Variants in CLMP observed in about 807,000 individuals in gnomAD.
CLMP encodes CXADR like cell adhesion molecule.
Under a neutral mutation model 45.2 loss-of-function variants are expected in CLMP, and 27 were observed. The ratio of observed to expected loss-of-function variants is 0.60; its 90% CI spans 0.44 to 0.82. The LOEUF is 0.82. Among genes scored for constraint, CLMP ranks in the 40% least tolerant of loss-of-function variants. The probability of loss-of-function intolerance (pLI) is 0.00; values close to 1 mark genes in which losing one functional copy is unlikely to be tolerated. For missense variants in CLMP, 403 were observed against 448.4 expected (o/e 0.90, Z 0.91); for synonymous variants, 167 against 171.4 (o/e 0.97, Z 0.20).
rs147684131 is a variant in CLMP at position 123,090,203 on chromosome 11, T to C, written c.187-5490A>G. Among the ~76,000 whole-genome samples, 1,218 of 151,080 alleles carry C rather than the reference T, an allele frequency of 8.1e-3. 14 individuals carry two copies. Among genetic ancestry groups the C allele is most frequent in the African/African-American group, 0.028 (1,132 of 41,062 alleles). On this transcript the variant is annotated intron_variant, in intron 2 of 6. Coordinates refer to ENST00000448775, the MANE Select transcript of CLMP (RefSeq NM_024769.5). ...GCTTACACCTCTAATCTCAGCACTT[T>C]GGGAGGCCAAGGTGGGTGGATCACG...
chr11:123,150,952 C>A (rs537531122), intron 1 of CLMP, among the ~76,000 whole-genome samples: 3 of 152,338 alleles, frequency 2.0e-5, no homozygotes, highest in South Asian at 2.1e-4. Flanking sequence ...ATCTGCCCAC[C>A]TTGGCCTCCC....
intron 1 of CLMP, among the ~76,000 whole-genome samples, chr11:123,141,173 C>CTTTT (rs550888215): frequency 0.014 from 1,126 of 80,840 alleles, 114 homozygotes; most frequent in African/African-American, 0.02. Context: ...TCAGGCATTC[C>CTTTT]TTTTTTTTTT....
At chr11:123,125,397 C>T (rs1860873891) in intron 1 of CLMP, among the ~76,000 whole-genome samples, 2 of 151,852 alleles carry the variant, frequency 1.3e-5, no homozygotes. Context: ...TGCATGAACA[C>T]TCAAGGTTCT....
At position 123,106,410 on chromosome 11, in the gene CLMP, TGTGTGTGTGTGTGTGCGC is replaced by T. The variant is rs1427367649; in HGVS notation, c.29-8476_29-8459del. ...GTGTGTGTGTGTGTGTGTGTGTGTG[TGTGTGTGTGTGTGTGCGC>T]GCGCGCGCGCGCACGTGCCTGCCTT... On this transcript the variant is annotated intron_variant, in intron 1 of 6. Coordinates refer to ENST00000448775, the MANE Select transcript of CLMP (RefSeq NM_024769.5). 5.6e-5 allele frequency among the ~76,000 whole-genome samples: 7 copies of T among 125,286 alleles called. No individual in the cohort carries two copies. In the South Asian group the frequency reaches 1.2e-3, roughly 22 times the overall value. 82.2% of individuals were successfully genotyped at this position (125,286 alleles called of 152,430 possible). A position where few individuals can be genotyped will look rare whatever the true frequency, so the allele number is the denominator to read the frequency against.
chr11:123,188,757 TC>T (rs1189415799), intron 1 of CLMP: 1 of 152,208 alleles, frequency 6.6e-6, no homozygotes, highest in Non-Finnish European at 1.5e-5. Context: ...ATCTCGGCTT[TC>T]TCCCCCATTT....
chr11:123,149,012 T>C (rs1565396924), intron 1 of CLMP, among the ~76,000 whole-genome samples: 1 of 152,206 alleles, frequency 6.6e-6, no homozygotes. Context: ...GAATCTGTTT[T>C]CTGTTTAGTC....
chr11:123,175,155 T>G (rs1385088565), intron 1 of CLMP, among the ~76,000 whole-genome samples: 1 of 152,150 alleles, frequency 6.6e-6, no homozygotes, highest in Non-Finnish European at 1.5e-5. Context: ...CGGGGTGTAT[T>G]AGTCCATTTT....
intron 1 of CLMP, among the ~76,000 whole-genome samples, chr11:123,116,645 T>C (rs562226597): frequency 2.0e-5 from 3 of 152,304 alleles, no homozygotes; most frequent in African/African-American, 7.2e-5. Context: ...TAACAATCAT[T>C]GTCTTCTTAT....
intron 1 of CLMP, among the ~76,000 whole-genome samples, chr11:123,138,183 A>G (rs1861104840): frequency 6.6e-6 from 1 of 152,156 alleles, no homozygotes; most frequent in South Asian, 2.1e-4. Flanking sequence ...TTAAACTAGT[A>G]TAAGATACAC....
chr11:123,194,826 C>A, intron 1 of CLMP, 87 bp downstream of exon 1: 2 of 1,532,054 alleles, frequency 1.3e-6, no homozygotes, highest in Non-Finnish European at 9.0e-7. Flanking sequence ...GCTGCAGGGA[C>A]ACCCGGTCAG....
chr11:123,100,858 A>G (rs1267350465), intron 1 of CLMP, among the ~76,000 whole-genome samples: 1 of 151,470 alleles, frequency 6.6e-6, no homozygotes, highest in African/African-American at 2.4e-5. Flanking sequence ...ATCCTCCCCA[A>G]AACAGGCTTC....
intron 1 of CLMP, among the ~76,000 whole-genome samples, chr11:123,161,851 C>T (rs1376699123): frequency 1.3e-5 from 2 of 152,176 alleles, no homozygotes; most frequent in African/African-American, 4.8e-5. Flanking sequence ...GGGTGGATTC[C>T]AGCAATCTGT....
intron 1 of CLMP, among the ~76,000 whole-genome samples, chr11:123,182,787 G>A (rs1211998983): frequency 6.6e-6 from 1 of 152,088 alleles, no homozygotes; most frequent in East Asian, 1.9e-4. Context: ...TCATTTCAAA[G>A]ACGCAAGAAA....
At chr11:123,185,996 T>C (rs10790560) in intron 1 of CLMP, among the ~76,000 whole-genome samples, 34,005 of 152,068 alleles carry the variant, frequency 0.22, 8,953 homozygotes, top group African/African-American at 0.63. Context: ...GCCAGGCCTC[T>C]CAGTGGCCTC....
chr11:123,114,882 A>G (rs747730262), intron 1 of CLMP, among the ~76,000 whole-genome samples: 4 of 152,158 alleles, frequency 2.6e-5, no homozygotes, highest in African/African-American at 9.7e-5. Context: ...CGCACAGATT[A>G]CGAGGAATTG....
intron 1 of CLMP, among the ~76,000 whole-genome samples, chr11:123,116,545 G>T (rs1286342323): frequency 6.6e-6 from 1 of 152,076 alleles, no homozygotes; most frequent in Non-Finnish European, 1.5e-5. Context: ...GCCAGCCTGG[G>T]CAATAAGAGT....
At chr11:123,118,995 TTCTTTCTCTCTCTCTC>T (rs1860767485) in intron 1 of CLMP, among the ~76,000 whole-genome samples, 1 of 18,406 alleles carries the variant, frequency 5.4e-5, no homozygotes, top group African/African-American at 2.2e-4. Flanking sequence ...CTTTCTTTCT[TTCTTTCTCTCTCTCTC>T]TCTCTCTCTC....
At chr11:123,162,865 A>G (rs1861505529) in intron 1 of CLMP, among the ~76,000 whole-genome samples, 2 of 151,928 alleles carry the variant, frequency 1.3e-5, no homozygotes, top group South Asian at 4.2e-4. Context: ...AGACGGCACC[A>G]CCGCACTCCA....
At chr11:123,129,458 TATATC>T (rs894046224) in intron 1 of CLMP, among the ~76,000 whole-genome samples, 4 of 141,034 alleles carry the variant, frequency 2.8e-5, no homozygotes, top group Non-Finnish European at 4.5e-5. Context: ...TTATATAAAA[TATATC>T]ATATGATATA....
Sources: allele counts gnomAD v4.1 joint callset (sites outside exome capture counted in the v4.1 genomes callset), GRCh38; gene constraint gnomAD v4.1.1; transcripts MANE v1.5; gene names NCBI Gene and HGNC (gene_info 2026-07-23, HGNC 2026-07-21).